The following SLC44A1 variants were observed in gnomAD, a reference collection of about 807,000 sequenced individuals.
SLC44A1 encodes solute carrier family 44 member 1, also known as choline transporter-like protein 1.
In SLC44A1, 26 loss-of-function variants were observed where a neutral mutation model predicts 79.3. The ratio of observed to expected loss-of-function variants is 0.33; its 90% CI spans 0.24 to 0.46. The LOEUF (loss-of-function observed/expected upper bound fraction) is 0.46, where lower values mean the gene tolerates loss of function less well. Among genes scored for constraint, SLC44A1 ranks in the 20% least tolerant of loss-of-function variants. SLC44A1 has a pLI of 1.00. For missense variants in SLC44A1, 688 were observed against 798.1 expected, an observed-to-expected ratio of 0.86 and a Z score of 1.66; for synonymous variants, 263 against 286.2, an observed-to-expected ratio of 0.92 and a Z score of 0.82.
At chr9:105,368,254 T>C (rs775199131) in intron 12 of SLC44A1, among the ~76,000 whole-genome samples, 1 of 152,148 alleles carries the variant, frequency 6.6e-6, no homozygotes, top group Non-Finnish European at 1.5e-5. Context: ...GTAGGCACGA[T>C]GTTTGAAGTT....
intron 15 of SLC44A1, among the ~76,000 whole-genome samples, chr9:105,413,954 A>G (rs553038657): frequency 2.0e-5 from 3 of 151,974 alleles, no homozygotes; most frequent in East Asian, 3.9e-4. Flanking sequence ...TTTAAAGTCT[A>G]TTCCAGTGCA....
At chr9:105,399,976 A>G (rs1484827478), downstream of SLC44A1, among the ~76,000 whole-genome samples, 1 of 152,038 alleles carries the variant, frequency 6.6e-6, no homozygotes, top group African/African-American at 2.4e-5. Flanking sequence ...TGGGTGGATC[A>G]CCTGAGGTAA....
chr9:105,254,905 T>A (rs139376162), intron 1 of SLC44A1, among the ~76,000 whole-genome samples: 305 of 152,302 alleles, frequency 2.0e-3, no homozygotes, highest in African/African-American at 6.9e-3. Flanking sequence ...TCTTTTGAAG[T>A]CTCACTTCTG....
At chr9:105,402,962 C>T (rs1828976669) in intron 15 of SLC44A1, among the ~76,000 whole-genome samples, 1 of 149,214 alleles carries the variant, frequency 6.7e-6, no homozygotes, top group South Asian at 2.1e-4. Context: ...CAGGCATGCA[C>T]CTTCACACCC....
chr9:105,304,593 C>T (rs1401507439), intron 2 of SLC44A1, among the ~76,000 whole-genome samples: 2 of 152,174 alleles, frequency 1.3e-5, no homozygotes, highest in African/African-American at 4.8e-5. Context: ...AAAAATTGTA[C>T]TCTGTGTCTG....
intron 3 of SLC44A1, among the ~76,000 whole-genome samples, chr9:105,333,648 A>G (rs1826821902): frequency 1.3e-5 from 2 of 152,212 alleles, no homozygotes; most frequent in East Asian, 1.9e-4. Context: ...CGTTTCTACT[A>G]AAAATACAAA....
At position 105,392,930 on chromosome 9, in the gene SLC44A1, T is replaced by C. The variant is rs1356800688; in HGVS notation, c.*3874T>C. 2 of 985,100 alleles carry C rather than the reference T, an allele frequency of 2.0e-6. No individual in the cohort carries two copies. The highest frequency in any genetic ancestry group is 6.2e-5 in the Admixed American group (1 of 16,236). 61.0% of individuals were successfully genotyped at this position (985,100 alleles called of 1,614,324 possible). On this transcript the variant is annotated 3_prime_UTR_variant, in exon 16 of 16. Coordinates refer to ENST00000374720, the MANE Select transcript of SLC44A1 (RefSeq NM_080546.5). ...AGCTTTCGCTTTTCAATAAGTAAGT[T>C]CTTTACTGCTTTTCTACTGCTACTT...
chr9:105,245,271 G>C (rs1231948161), intron 1 of SLC44A1, among the ~76,000 whole-genome samples: 2 of 151,954 alleles, frequency 1.3e-5, no homozygotes, highest in Admixed American at 6.5e-5. Flanking sequence ...CTGTTCTTCC[G>C]GGCCTGGCTC....
chr9:105,381,794 C>T (rs1045999813), intron 13 of SLC44A1, among the ~76,000 whole-genome samples: 1 of 152,108 alleles, frequency 6.6e-6, no homozygotes, highest in African/African-American at 2.4e-5. Flanking sequence ...CAATTTATAG[C>T]TTAACCAATG....
At chr9:105,417,894 A>G (rs1050218059) in intron 15 of SLC44A1, among the ~76,000 whole-genome samples, 21 of 151,306 alleles carry the variant, frequency 1.4e-4, no homozygotes, top group Non-Finnish European at 2.8e-4. Context: ...GCATGTGCCT[A>G]TAGTCCCAGC....
intron 15 of SLC44A1, among the ~76,000 whole-genome samples, chr9:105,404,860 A>G (rs1829008526): frequency 6.6e-6 from 1 of 152,208 alleles, no homozygotes; most frequent in African/African-American, 2.4e-5. Flanking sequence ...CCTTTGTAAA[A>G]TGGGAATAGT....
chr9:105,366,150 AC>A (rs1827934058), intron 11 of SLC44A1, among the ~76,000 whole-genome samples, 195 bp from the exon 12 acceptor site: 1 of 152,176 alleles, frequency 6.6e-6, no homozygotes, highest in African/African-American at 2.4e-5. Flanking sequence ...TGCAGTAGAG[AC>A]TAAATAAATA....
At chr9:105,261,247 A>G (rs538487309) in intron 1 of SLC44A1, among the ~76,000 whole-genome samples, 1 of 152,306 alleles carries the variant, frequency 6.6e-6, no homozygotes, top group South Asian at 2.1e-4. Flanking sequence ...AAACCTCAGT[A>G]TGACAGGTAA....
At chr9:105,270,817 G>A (rs948535834) in intron 1 of SLC44A1, among the ~76,000 whole-genome samples, 1 of 152,150 alleles carries the variant, frequency 6.6e-6, no homozygotes, top group Non-Finnish European at 1.5e-5. Context: ...TGTTAGAACA[G>A]TGCCTGGTCA....
chr9:105,361,016 A>G (rs924487520), intron 7 of SLC44A1, among the ~76,000 whole-genome samples, 175 bp from the exon 8 acceptor site: 4 of 152,248 alleles, frequency 2.6e-5, no homozygotes, highest in African/African-American at 7.2e-5. Flanking sequence ...TAATAGAGCA[A>G]TGGACACTTT....
At chr9:105,291,606 A>G (rs575638368) in intron 1 of SLC44A1, among the ~76,000 whole-genome samples, 75 of 152,336 alleles carry the variant, frequency 4.9e-4, no homozygotes, top group Middle Eastern at 3.4e-3. Flanking sequence ...AAATTACCCA[A>G]TTCAACCCAA....
At chr9:105,361,444 A>C in intron 8 of SLC44A1, 114 bp downstream of exon 8, 1 of 984,000 alleles carries the variant, frequency 1.0e-6, no homozygotes. Flanking sequence ...TCTCCAGTAG[A>C]TAATATCTCT....
In SLC44A1 at chr9:105,394,950, C is replaced by T; in HGVS notation, c.*5894C>T. On this transcript the variant is annotated 3_prime_UTR_variant, in exon 16 of 16. Transcript: ENST00000374720. The stretch of plus-strand genomic sequence containing the variant: ...CTTTAGGGAAGCATGTGGATTTCTT[C>T]ACATCTGCACCTTACTATTAGGTAA... 1.0e-6 allele frequency: 1 copy of T among 985,402 alleles called. No homozygotes were observed. The highest frequency in any genetic ancestry group is 1.2e-6 in the Non-Finnish European group (1 of 829,936). 61.0% of individuals were successfully genotyped at this position (985,402 alleles called of 1,614,324 possible). A position where few individuals can be genotyped will look rare whatever the true frequency, so the allele number is the denominator to read the frequency against.
intron 4 of SLC44A1, among the ~76,000 whole-genome samples, chr9:105,346,312 A>G (rs548504791): frequency 2.6e-4 from 40 of 152,248 alleles, no homozygotes; most frequent in Non-Finnish European, 5.0e-4. Context: ...CTGGGAAAGT[A>G]TTTATAAAAT....
Sources: gnomAD v4.1 joint callset for allele counts (sites outside exome capture counted in the v4.1 genomes callset) on GRCh38, gnomAD v4.1.1 for gene constraint, MANE v1.5 for transcripts, NCBI Gene and HGNC (gene_info 2026-07-23, HGNC 2026-07-21) for gene names.